The following KCND2 variants were observed in gnomAD, a reference collection of about 807,000 sequenced individuals.
KCND2 encodes potassium voltage-gated channel subfamily D member 2, also known as A-type voltage-gated potassium channel KCND2.
In KCND2, 16 loss-of-function variants were observed where a neutral mutation model predicts 54.4. The ratio of observed to expected loss-of-function variants is 0.29; its 90% confidence interval spans 0.20 to 0.45. The LOEUF is 0.45. Among genes scored for constraint, KCND2 ranks in the 20% least tolerant of loss-of-function variants. The pLI, the probability that KCND2 is intolerant of heterozygous loss-of-function variation, is 1.00. For missense variants in KCND2, 486 were observed against 824.2 expected (o/e 0.59, Z 5.02); for synonymous variants, 317 against 310.7 (o/e 1.02, Z -0.21).
At chr7:120,302,127 C>G (rs2116296898) in intron 1 of KCND2, among the ~76,000 whole-genome samples, 1 of 152,106 alleles carries the variant, frequency 6.6e-6, no homozygotes, top group Middle Eastern at 3.4e-3. Flanking sequence ...TTAATTCATC[C>G]ACAATAATCA....
intron 1 of KCND2, among the ~76,000 whole-genome samples, chr7:120,609,826 G>A (rs57009964): frequency 6.6e-6 from 1 of 152,126 alleles, no homozygotes; most frequent in Admixed American, 6.6e-5. Flanking sequence ...TCAACCAAGT[G>A]TGGGGCTCTT....
intron 1 of KCND2, among the ~76,000 whole-genome samples, chr7:120,684,375 G>A (rs1484511140): frequency 2.0e-5 from 3 of 152,102 alleles, no homozygotes; most frequent in Non-Finnish European, 4.4e-5. Context: ...AGTACAACAT[G>A]TACTTCTGGA....
chr7:120,526,489 C>T (rs1791775509), intron 1 of KCND2, among the ~76,000 whole-genome samples: 1 of 152,048 alleles, frequency 6.6e-6, no homozygotes, highest in African/African-American at 2.4e-5. Flanking sequence ...TCTGATTGTA[C>T]CCAACAAAAG....
chr7:120,736,519 G>A (rs751895517), intron 2 of KCND2, among the ~76,000 whole-genome samples: 5 of 152,058 alleles, frequency 3.3e-5, no homozygotes, highest in Middle Eastern at 3.4e-3. Flanking sequence ...ACAAGTGGCA[G>A]GTTGACATTT....
At chr7:120,393,744 C>T (rs532348448) in intron 1 of KCND2, among the ~76,000 whole-genome samples, 1 of 152,014 alleles carries the variant, frequency 6.6e-6, no homozygotes, top group Admixed American at 6.6e-5. Flanking sequence ...CTAGATAATG[C>T]CATCAAGCAA....
chr7:120,521,034 A>G (rs1791685312), intron 1 of KCND2, among the ~76,000 whole-genome samples: 1 of 152,110 alleles, frequency 6.6e-6, no homozygotes, highest in South Asian at 2.1e-4. Flanking sequence ...CCCTGGATGC[A>G]AGATAGAGTA....
At chr7:120,382,434 T>C (rs1300478214) in intron 1 of KCND2, among the ~76,000 whole-genome samples, 3 of 151,934 alleles carry the variant, frequency 2.0e-5, no homozygotes, top group African/African-American at 7.2e-5. Context: ...ATTTTTGTAA[T>C]AAATGAACTA....
chr7:120,326,586 G>A (rs759466611), intron 1 of KCND2, among the ~76,000 whole-genome samples: 15 of 151,968 alleles, frequency 9.9e-5, no homozygotes, highest in Non-Finnish European at 1.8e-4. Context: ...AGAATTAGAA[G>A]AACACTTCAA....
chr7:120,731,807 C>A (rs1225886440), intron 1 of KCND2, among the ~76,000 whole-genome samples: 2 of 152,128 alleles, frequency 1.3e-5, no homozygotes, highest in African/African-American at 4.8e-5. Flanking sequence ...ACAAGACCAG[C>A]TAAGAGATGA....
intron 1 of KCND2, among the ~76,000 whole-genome samples, chr7:120,433,968 A>T (rs568497455): frequency 3.9e-5 from 6 of 152,260 alleles, no homozygotes; most frequent in Non-Finnish European, 5.9e-5. Flanking sequence ...AAATCTTTGT[A>T]CCTCCTTGCA....
intron 1 of KCND2, among the ~76,000 whole-genome samples, chr7:120,384,998 C>CTTTTTTTTTTTTTTTTTT (rs372225817): frequency 1.2e-5 from 1 of 82,512 alleles, no homozygotes; most frequent in Non-Finnish European, 2.1e-5. Flanking sequence ...TTGTATATAA[C>CTTTTTTTTTTTTTTTTTT]TTTTTTTTTT....
At chr7:120,673,484 C>G (rs747520332) in intron 1 of KCND2, among the ~76,000 whole-genome samples, 4 of 152,066 alleles carry the variant, frequency 2.6e-5, no homozygotes, top group Non-Finnish European at 5.9e-5. Flanking sequence ...TTGGTACATT[C>G]AGTTTTTTCA....
chr7:120,727,133 T>C (rs2116125421), intron 1 of KCND2, among the ~76,000 whole-genome samples: 1 of 152,148 alleles, frequency 6.6e-6, no homozygotes, highest in East Asian at 1.9e-4. Context: ...ACCCATCAAA[T>C]AAAAAGAGAA....
intron 1 of KCND2, among the ~76,000 whole-genome samples, chr7:120,617,944 G>A (rs1793048946): frequency 6.6e-6 from 1 of 152,128 alleles, no homozygotes; most frequent in South Asian, 2.1e-4. Context: ...TCACTTATAA[G>A]TGGGAGCTAA....
chr7:120,740,112 G>A (rs1212920769), intron 2 of KCND2, among the ~76,000 whole-genome samples: 1 of 151,890 alleles, frequency 6.6e-6, no homozygotes. Flanking sequence ...AGTATTCTCT[G>A]GAGTAAAAAT....
chr7:120,472,610 T>G (rs1398383613), intron 1 of KCND2, among the ~76,000 whole-genome samples: 1 of 152,100 alleles, frequency 6.6e-6, no homozygotes, highest in Admixed American at 6.6e-5. Flanking sequence ...TGCTAACATT[T>G]GGTTGGTTGG....
chr7:120,359,340 T>C (rs748064140), intron 1 of KCND2, among the ~76,000 whole-genome samples: 11 of 152,126 alleles, frequency 7.2e-5, no homozygotes, highest in Non-Finnish European at 1.0e-4. Context: ...TTGTTATAAA[T>C]TTGCCTCTCT....
intron 1 of KCND2, among the ~76,000 whole-genome samples, chr7:120,624,196 T>C (rs959198440): frequency 1.3e-5 from 2 of 152,194 alleles, no homozygotes; most frequent in Admixed American, 6.5e-5. Context: ...TAAAGCATCC[T>C]TACACATCCC....
intron 1 of KCND2, among the ~76,000 whole-genome samples, chr7:120,604,427 C>T (rs1352306105): frequency 6.7e-6 from 1 of 150,214 alleles, no homozygotes. Context: ...CAACCCGGGG[C>T]GGGCAGTGGA....
Sources: allele counts gnomAD v4.1 joint callset (sites outside exome capture counted in the v4.1 genomes callset), GRCh38; gene constraint gnomAD v4.1.1; transcripts MANE v1.5; gene names NCBI Gene and HGNC (gene_info 2026-07-23, HGNC 2026-07-21).